Variants in MUCL3 observed in about 807,000 individuals in gnomAD.
MUCL3 encodes mucin like 3.
A neutral mutation model predicts 70.2 loss-of-function variants in MUCL3; 42 were observed. That is an observed-to-expected ratio of 0.60 (90% confidence interval 0.47 to 0.77). MUCL3 has a LOEUF of 0.77. Among genes scored for constraint, MUCL3 ranks in the 30% least tolerant of loss-of-function variants. The probability of loss-of-function intolerance (pLI) is 0.00; values close to 1 mark genes in which losing one functional copy is unlikely to be tolerated. For missense variants in MUCL3, 1,429 were observed against 1,670.0 expected (o/e 0.86, Z 2.52); for synonymous variants, 522 against 647.0 (o/e 0.81, Z 2.93).
chr6:30,952,157 C>A lies in MUCL3; in HGVS notation c.3693C>A (p.Asn1231Lys). 6.2e-7 allele frequency: 1 copy of A among 1,613,836 alleles called. No homozygotes were observed. Among genetic ancestry groups the A allele is most frequent in the Non-Finnish European group, 8.5e-7 (1 of 1,179,932 alleles). Residue 1231 changes from asparagine to lysine, a missense_variant, in exon 2 of 3, where the codon AAC (asparagine) becomes AAA (lysine). Physicochemically the swap from Asn to Lys is moderately conservative, Grantham distance 94 (BLOSUM62 0). Coordinates refer to ENST00000462446, the MANE Select transcript of MUCL3 (RefSeq NM_080870.4). ...TIKAPVKSTE[N>K]PEKTAAVTKT... ...AAGCCCCAGTAAAGTCCACAGAAAA[C>A]CCAGAAAAAACAGCAGCAGTCACAA...
rs1477908984 is a variant in MUCL3 at position 30,952,247 on chromosome 6, A to G, written c.3783A>G (p.Leu1261=). The G allele has an allele frequency of 6.2e-7, 1 of 1,614,098 alleles. No individual in the cohort carries two copies. The highest frequency in any genetic ancestry group is 8.5e-7 in the Non-Finnish European group (1 of 1,180,012). Residue 1261 remains leucine, a synonymous_variant, in exon 2 of 3, where the codon CTA becomes CTG. Transcript: ENST00000462446. ...DKSLTTTSSH[L]NKTEVTHQVP... ...CTCTCACTACTACCTCTTCTCATCTAAATAAAACTGAAGTTACTCATCAGG... is the reference window on the plus strand; with the variant it reads ...CTCTCACTACTACCTCTTCTCATCTGAATAAAACTGAAGTTACTCATCAGG...
At chr6:30,952,891 T>C (rs763258669) in intron 2 of MUCL3, 80 bp from the exon 3 acceptor site, 8 of 1,534,368 alleles carry the variant, frequency 5.2e-6, no homozygotes, top group South Asian at 2.6e-5. Flanking sequence ...ATCTTGAGAA[T>C]AGAATCAAGA....
chr6:30,942,184 A>G (rs1795606890), intron 1 of MUCL3, among the ~76,000 whole-genome samples: 1 of 152,234 alleles, frequency 6.6e-6, no homozygotes, highest in African/African-American at 2.4e-5. Flanking sequence ...TACAGTTGGG[A>G]AACATCTCAG....
Position 30,949,284 on chromosome 6 carries a change from T to C in MUCL3, c.820T>C (p.Ser274Pro). Residue 274 changes from serine to proline, a missense_variant, in exon 2 of 3, where the codon TCA becomes CCA. Transcript: ENST00000462446. ...TACAAAAAACATACAAGAGACCATA[T>C]CAGCCAATGAGCTCACACAATCTCT... ...KTTKNIQETISANELTQSLAE... is the reference protein window; with the variant it reads ...KTTKNIQETIPANELTQSLAE... 2 of 1,551,322 alleles carry C rather than the reference T, an allele frequency of 1.3e-6. No individual in the cohort carries two copies. Among genetic ancestry groups the C allele is most frequent in the Non-Finnish European group, 1.7e-6 (2 of 1,146,958 alleles).
chr6:30,942,730 T>C (rs1465699156), intron 1 of MUCL3, among the ~76,000 whole-genome samples: 1 of 152,138 alleles, frequency 6.6e-6, no homozygotes, highest in Non-Finnish European at 1.5e-5. Flanking sequence ...CACTGGCTGC[T>C]CTCTCCTCCT....
chr6:30,948,410 A>T, intron 1 of MUCL3, 137 bp from the exon 2 acceptor site: 1 of 690,850 alleles, frequency 1.4e-6, no homozygotes, highest in Admixed American at 3.2e-5. Context: ...TGGGGAATAG[A>T]TATCATAGTA....
In MUCL3 at chr6:30,948,801, G is replaced by A. The variant is rs1429732679; in HGVS notation, c.337G>A (p.Asp113Asn). Residue 113 changes from aspartate to asparagine, a missense_variant, in exon 2 of 3, where the codon GAT becomes AAT. Coordinates refer to ENST00000462446, the MANE Select transcript of MUCL3 (RefSeq NM_080870.4). ...AACTATAGACCACAAAAGCTCTACA[G>A]ATAATCATGAGGCTCCTCCCACTTC... ...SKTIDHKSST[D>N]NHEAPPTSEE... 3.2e-6 allele frequency: 5 copies of A among 1,551,518 alleles called. No individual in the cohort carries two copies. Among genetic ancestry groups the A allele is most frequent in the African/African-American group, 2.7e-5 (2 of 73,012 alleles).
rs777301242 is a variant in MUCL3, at chr6:30,952,506, G to C, written c.4035+7G>C. The C allele has an allele frequency of 6.3e-7, 1 of 1,583,758 alleles. No homozygotes were observed. The highest frequency in any genetic ancestry group is 1.8e-5 in the Admixed American group (1 of 55,560). On this transcript the variant is annotated splice_region_variant and intron_variant, in intron 2 of 2. Transcript: ENST00000462446. ...CCTTGGCCTGATCTTCTTGGTAAGG[G>C]ACAGATGTGCCCCACAGAAATCAAC...
Position 30,952,036 on chromosome 6 carries a change from C to G in MUCL3, c.3572C>G (p.Ser1191Ter). Residue 1191 changes from serine (S) to a stop codon, truncating the protein, a stop_gained, in exon 2 of 3, where the codon TCA becomes TGA. Coordinates refer to ENST00000462446, the MANE Select transcript of MUCL3 (RefSeq NM_080870.4). LOFTEE classifies it high-confidence loss of function. ...ACCCCAGAAAAGCCTACGCTATACT[C>G]AGAGAAGACCATATGCACCAAAGGG... Reference protein sequence around the residue: ...TRTPEKPTLYSEKTICTKGKN... With the variant: ...TRTPEKPTLY 6.2e-7 allele frequency: 1 copy of G among 1,611,690 alleles called. No homozygotes were observed. The highest frequency in any genetic ancestry group is 8.5e-7 in the Non-Finnish European group (1 of 1,179,630).
rs776744650 is a variant in MUCL3, at chr6:30,951,683, T to A, written c.3219T>A (p.Asn1073Lys). ...ATGGAGAAAAGACTACATTGGCCAATGAGAAGATCACACTATCCCCAGAAG... is the reference window on the plus strand; with the variant it reads ...ATGGAGAAAAGACTACATTGGCCAAAGAGAAGATCACACTATCCCCAGAAG... ...TEHGEKTTLANEKITLSPEGP... is the reference protein window; with the variant it reads ...TEHGEKTTLAKEKITLSPEGP... The change falls in exon 2 of 3, where the codon AAT becomes AAA. Residue 1073 changes from asparagine to lysine, a missense_variant. By Grantham distance (94) the Asn-to-Lys change is moderately conservative. Coordinates refer to ENST00000462446, the MANE Select transcript of MUCL3 (RefSeq NM_080870.4). 6.4e-6 allele frequency: 10 copies of A among 1,551,940 alleles called. No homozygotes were observed. In the South Asian group the frequency reaches 7.1e-5, roughly 11 times the overall value.
Position 30,952,090 on chromosome 6 carries a change from C to T in MUCL3, c.3626C>T (p.Thr1209Ile), listed in dbSNP as rs1019660956. 6.2e-7 allele frequency: 1 copy of T among 1,608,068 alleles called. No individual in the cohort carries two copies. The highest frequency in any genetic ancestry group is 8.5e-7 in the Non-Finnish European group (1 of 1,178,624). Residue 1209 changes from threonine (T) to isoleucine (I), a missense_variant, in exon 2 of 3, where the codon ACA (threonine) becomes ATA (isoleucine). Physicochemically the swap from Thr to Ile is moderately conservative, Grantham distance 89 (BLOSUM62 -1). Coordinates refer to ENST00000462446, the MANE Select transcript of MUCL3 (RefSeq NM_080870.4). ...GKNTPVPEKP[T>I]ENLGNTTLTT... ...AACACACCAGTCCCAGAAAAGCCTA[C>T]AGAAAACCTGGGGAACACCACACTG...
chr6:30,944,570 C>T (rs547065933), intron 1 of MUCL3, among the ~76,000 whole-genome samples: 3 of 152,316 alleles, frequency 2.0e-5, no homozygotes, highest in Admixed American at 2.0e-4. Context: ...GCACTGTGCC[C>T]AGCCGATGTC....
Position 30,941,098 on chromosome 6 carries a change from GGATACAGAA to G in MUCL3, c.82+20_82+28del, listed in dbSNP as rs1562482054. The G allele has an allele frequency of 6.5e-7, 1 of 1,548,376 alleles. No individual in the cohort carries two copies. On this transcript the variant is annotated intron_variant, in intron 1 of 2. Coordinates refer to ENST00000462446, the MANE Select transcript of MUCL3 (RefSeq NM_080870.4). ...GGGGGGCAGGTAAGATGCCCACAGGGGATACAGAAGACAGAAACAGCTTGTTTCTTAGTG... is the reference window on the plus strand; with the variant it reads ...GGGGGGCAGGTAAGATGCCCACAGGGGACAGAAACAGCTTGTTTCTTAGTG...
Position 30,951,417 on chromosome 6 carries a change from G to A in MUCL3, c.2953G>A (p.Glu985Lys). 6 of 1,550,034 alleles carry A rather than the reference G, an allele frequency of 3.9e-6. No homozygotes were observed. The highest frequency in any genetic ancestry group is 5.2e-6 in the Non-Finnish European group (6 of 1,146,764). Residue 985 changes from glutamate (E) to lysine (K), a missense_variant, in exon 2 of 3, where the codon GAA becomes AAA. Coordinates refer to ENST00000462446, the MANE Select transcript of MUCL3 (RefSeq NM_080870.4). Reference protein sequence around the residue: ...PSSAEPTENGERTPLANENTT... With the variant: ...PSSAEPTENGKRTPLANENTT... ...CTCAGCAGAGCCTACAGAAAATGGA[G>A]AAAGGACCCCACTGGCCAATGAGAA...
In MUCL3 at chr6:30,949,555, A is replaced by C. The variant is rs1259456960; in HGVS notation, c.1091A>C (p.His364Pro). ...CTATTCCCAGCAGAGCCTACAGAAC[A>C]TGGAGAAAGGACAGCCAATGAGAAC... ...TTLFPAEPTE[H>P]GERTANENTT... Residue 364 changes from histidine to proline, a missense_variant, in exon 2 of 3, where the codon CAT (histidine) becomes CCT (proline). His to Pro is a moderately conservative substitution (Grantham distance 77). Transcript: ENST00000462446. 7 of 1,551,360 alleles carry C rather than the reference A, an allele frequency of 4.5e-6. No individual in the cohort carries two copies. The highest frequency in any genetic ancestry group is 6.1e-6 in the Non-Finnish European group (7 of 1,146,832).
rs1760694795 is a variant in MUCL3, at chr6:30,951,566, C to T, written c.3102C>T (p.Thr1034=). 10 of 1,550,568 alleles carry T rather than the reference C, an allele frequency of 6.4e-6. No individual in the cohort carries two copies. The highest frequency in any genetic ancestry group is 8.7e-6 in the Non-Finnish European group (10 of 1,146,156). Residue 1034 remains threonine (T), a synonymous_variant, in exon 2 of 3, where the codon ACC becomes ACT. Coordinates refer to ENST00000462446, the MANE Select transcript of MUCL3 (RefSeq NM_080870.4). ...GERTPSANEK[T]IPSPAKPTEH... is the part of the protein sequence containing the mutation. ...GGACACCATCAGCCAATGAGAAGAC[C>T]ATACCATCTCCAGCAAAGCCTACAG... is the stretch of plus-strand genomic sequence containing the variant.
At position 30,950,353 on chromosome 6, in the gene MUCL3, C is replaced by T. The variant is rs1337478075; in HGVS notation, c.1889C>T (p.Ala630Val). ...AEPTENRERT[A>V]NENTTPSPAG... is the part of the protein sequence containing the mutation. The stretch of plus-strand genomic sequence containing the variant: ...CCTACAGAAAATAGAGAAAGGACAG[C>T]CAATGAGAACACCACACCATCCCCA... Residue 630 changes from alanine (A) to valine (V), a missense_variant, in exon 2 of 3, where the codon GCC (alanine) becomes GTC (valine). Ala to Val is a moderately conservative substitution (Grantham distance 64). Coordinates refer to ENST00000462446, the MANE Select transcript of MUCL3 (RefSeq NM_080870.4). 23 of 1,550,810 alleles carry T rather than the reference C, an allele frequency of 1.5e-5. No individual in the cohort carries two copies. Among genetic ancestry groups the T allele is most frequent in the Non-Finnish European group, 1.9e-5 (22 of 1,146,884 alleles).
Position 30,953,300 on chromosome 6 carries a change from G to C in MUCL3, c.*183G>C. On this transcript the variant is annotated 3_prime_UTR_variant, in exon 3 of 3. Coordinates refer to ENST00000462446, the MANE Select transcript of MUCL3 (RefSeq NM_080870.4). ...GAATGAGGTGATAAGCAAGGAGGGTGTAAGTTTAGGGGACAAAGAAGAAAG... is the reference window on the plus strand; with the variant it reads ...GAATGAGGTGATAAGCAAGGAGGGTCTAAGTTTAGGGGACAAAGAAGAAAG... 1 of 797,390 alleles carries C rather than the reference G, an allele frequency of 1.3e-6. No individual in the cohort carries two copies. Among genetic ancestry groups the C allele is most frequent in the Non-Finnish European group, 1.9e-6 (1 of 518,360 alleles). The allele number at this position is 797,390 out of a possible 1,614,324, so 49.4% of individuals were successfully genotyped here. A position where few individuals can be genotyped will look rare whatever the true frequency, so the allele number is the denominator to read the frequency against.
chr6:30,941,756 C>T (rs1257756874), intron 1 of MUCL3, among the ~76,000 whole-genome samples: 1 of 152,148 alleles, frequency 6.6e-6, no homozygotes, highest in Non-Finnish European at 1.5e-5. Context: ...GCCACCGTGC[C>T]CAGAGACTCA....
Sources: allele counts gnomAD v4.1 joint callset (sites outside exome capture counted in the v4.1 genomes callset), GRCh38; gene constraint gnomAD v4.1.1; transcripts MANE v1.5; gene names NCBI Gene and HGNC (gene_info 2026-07-23, HGNC 2026-07-21).